The following DNM3 variants were observed in gnomAD, a reference collection of about 807,000 sequenced individuals.
The protein encoded by DNM3 is dynamin 3, also known as dynamin-3.
DNM3 carries 47 observed loss-of-function variants against 101.6 expected under a neutral mutation model. The ratio of observed to expected loss-of-function variants is 0.46; its 90% CI spans 0.37 to 0.59. DNM3 has a LOEUF of 0.59. Ranked by LOEUF, DNM3 falls within the 20% of genes least tolerant of loss-of-function variation. The pLI, the probability that DNM3 is intolerant of heterozygous loss-of-function variation, is 0.00. For synonymous variants in DNM3, 385 were observed against 387.9 expected, an observed-to-expected ratio of 0.99 and a Z score of 0.09; for missense variants, 849 against 1,085.7, an observed-to-expected ratio of 0.78 and a Z score of 3.06.
At chr1:172,166,572 T>C (rs1179364369) in intron 14 of DNM3, among the ~76,000 whole-genome samples, 2 of 152,088 alleles carry the variant, frequency 1.3e-5, no homozygotes, top group Non-Finnish European at 2.9e-5. Flanking sequence ...TGAAGACAAG[T>C]AATCCAACGT....
At chr1:171,860,244 A>G (rs1452852256) in intron 1 of DNM3, among the ~76,000 whole-genome samples, 1 of 152,204 alleles carries the variant, frequency 6.6e-6, no homozygotes, top group African/African-American at 2.4e-5. Flanking sequence ...TTTTAAAAAT[A>G]TAACGAATTC....
chr1:172,033,650 C>A (rs1572181252), intron 6 of DNM3, among the ~76,000 whole-genome samples: 1 of 152,108 alleles, frequency 6.6e-6, no homozygotes, highest in South Asian at 2.1e-4. Context: ...CTAGGTTACA[C>A]TTTCTGTTAA....
chr1:172,293,877 G>A (rs1458974995), intron 15 of DNM3, among the ~76,000 whole-genome samples: 1 of 152,212 alleles, frequency 6.6e-6, no homozygotes, highest in Non-Finnish European at 1.5e-5. Context: ...AGAAAGGTCA[G>A]TGAGAATGGG....
intron 2 of DNM3, among the ~76,000 whole-genome samples, chr1:171,969,317 G>A (rs2043819715): frequency 6.6e-6 from 1 of 152,188 alleles, no homozygotes; most frequent in South Asian, 2.1e-4. Flanking sequence ...GAGAAGTAGA[G>A]GTGTAGGAGT....
intron 14 of DNM3, among the ~76,000 whole-genome samples, chr1:172,227,304 A>ATACATATATATATG (rs1215756972): frequency 7.6e-6 from 1 of 131,538 alleles, no homozygotes; most frequent in African/African-American, 2.9e-5. Context: ...ATATATATAT[A>ATACATATATATATG]TCACATTTTC....
chr1:171,921,719 C>G, intron 1 of DNM3, 29 bp from the exon 2 acceptor site: 2 of 1,544,890 alleles, frequency 1.3e-6, no homozygotes, highest in Non-Finnish European at 1.8e-6. Flanking sequence ...TTCCTTCATG[C>G]CTTAATCTGT....
chr1:172,222,904 T>C (rs939108657), intron 14 of DNM3, among the ~76,000 whole-genome samples: 7 of 152,134 alleles, frequency 4.6e-5, no homozygotes. Flanking sequence ...TTCTTGTCCT[T>C]CTCTATTATC....
intron 10 of DNM3, among the ~76,000 whole-genome samples, chr1:172,052,017 G>A (rs558666797): frequency 1.3e-5 from 2 of 152,266 alleles, no homozygotes; most frequent in South Asian, 4.1e-4. Flanking sequence ...TAGTGCTTCA[G>A]TGTCTTAGTA....
chr1:172,286,930 A>C (rs2063724017), intron 15 of DNM3, among the ~76,000 whole-genome samples: 1 of 152,228 alleles, frequency 6.6e-6, no homozygotes. Flanking sequence ...CAGTAATCAC[A>C]ACCACAGCTG....
chr1:172,092,796 C>G (rs1437012516), intron 12 of DNM3, 28 bp from the exon 13 acceptor site: 1 of 1,542,644 alleles, frequency 6.5e-7, no homozygotes, highest in Non-Finnish European at 8.7e-7. Flanking sequence ...TGTGTCTCTT[C>G]AGTGCTGCTT....
chr1:172,366,277 T>C (rs986121698), intron 17 of DNM3, among the ~76,000 whole-genome samples: 2 of 151,874 alleles, frequency 1.3e-5, no homozygotes, highest in Non-Finnish European at 2.9e-5. Context: ...TCCTTGCTTT[T>C]GAAAAACAAA....
At chr1:171,948,358 A>G (rs2042295020) in intron 2 of DNM3, among the ~76,000 whole-genome samples, 1 of 152,214 alleles carries the variant, frequency 6.6e-6, no homozygotes, top group Non-Finnish European at 1.5e-5. Flanking sequence ...GGAGGAGTTA[A>G]TACTGAAATG....
At chr1:172,099,403 A>G (rs1409477401) in intron 13 of DNM3, among the ~76,000 whole-genome samples, 1 of 152,120 alleles carries the variant, frequency 6.6e-6, no homozygotes, top group Non-Finnish European at 1.5e-5. Context: ...TGCAAATTTC[A>G]TTCTTGCAGC....
chr1:172,211,041 G>A (rs185598209), intron 14 of DNM3, among the ~76,000 whole-genome samples: 62 of 152,068 alleles, frequency 4.1e-4, no homozygotes, highest in African/African-American at 1.4e-3. Context: ...TTGAGTAAAC[G>A]GAAATATATC....
intron 1 of DNM3, among the ~76,000 whole-genome samples, chr1:171,915,387 G>A (rs1453928090): frequency 6.6e-6 from 1 of 152,162 alleles, no homozygotes; most frequent in Non-Finnish European, 1.5e-5. Context: ...GATTAGTGTA[G>A]CAGTTTATAT....
chr1:172,113,615 T>G (rs977049090), intron 13 of DNM3, among the ~76,000 whole-genome samples: 2 of 121,790 alleles, frequency 1.6e-5, no homozygotes, highest in South Asian at 2.8e-4. Context: ...AGCAAAACTC[T>G]GTCTCAAAAA....
intron 14 of DNM3, among the ~76,000 whole-genome samples, chr1:172,252,816 G>A (rs1254170382): frequency 2.0e-5 from 3 of 151,998 alleles, no homozygotes; most frequent in South Asian, 2.1e-4. Flanking sequence ...TAATTTGGTC[G>A]CATTTGCAGA....
intron 14 of DNM3, among the ~76,000 whole-genome samples, chr1:172,248,724 G>A (rs1290552738): frequency 6.6e-6 from 1 of 152,158 alleles, no homozygotes; most frequent in Non-Finnish European, 1.5e-5. Flanking sequence ...GTCAAAAGCA[G>A]TGTCTGTCAG....
chr1:172,317,362 A>T (rs1056597252), intron 16 of DNM3, among the ~76,000 whole-genome samples: 1 of 151,974 alleles, frequency 6.6e-6, no homozygotes, highest in East Asian at 1.9e-4. Context: ...TTCAAAAGCT[A>T]GCAGAAGGCA....
Sources: allele counts gnomAD v4.1 joint callset (sites outside exome capture counted in the v4.1 genomes callset), GRCh38; gene constraint gnomAD v4.1.1; transcripts MANE v1.5; gene names NCBI Gene and HGNC (gene_info 2026-07-23, HGNC 2026-07-21).